Variants in TENM3 observed in about 807,000 individuals in gnomAD.
TENM3 encodes the protein teneurin transmembrane protein 3.
Under a neutral mutation model 255.1 loss-of-function variants are expected in TENM3, and 63 were observed. That is an observed-to-expected ratio of 0.25 (90% CI 0.20 to 0.30). The LOEUF (loss-of-function observed/expected upper bound fraction) is 0.30. Among genes scored for constraint, TENM3 ranks in the 10% least tolerant of loss-of-function variants. The probability of loss-of-function intolerance (pLI) is 1.00; values close to 1 mark genes in which losing one functional copy is unlikely to be tolerated. For missense variants in TENM3, 2,929 were observed against 3,461.1 expected, an observed-to-expected ratio of 0.85 and a Z score of 3.86; for synonymous variants, 1,306 against 1,322.3, an observed-to-expected ratio of 0.99 and a Z score of 0.27.
the TENM3 span, among the ~76,000 whole-genome samples, chr4:181,889,703 G>C: frequency 6.6e-6 from 1 of 152,132 alleles, no homozygotes; most frequent in African/African-American, 2.4e-5. Flanking sequence ...TATAATCCTT[G>C]GAACTGTGCC....
intron 3 of TENM3, among the ~76,000 whole-genome samples, chr4:182,507,152 A>AG (rs1309200314): frequency 6.6e-6 from 1 of 151,990 alleles, no homozygotes; most frequent in African/African-American, 2.4e-5. Flanking sequence ...ACTAAGGAAA[A>AG]AAAAAGCACA....
the TENM3 span, among the ~76,000 whole-genome samples, chr4:181,874,787 G>A: frequency 4.6e-5 from 7 of 152,104 alleles, no homozygotes; most frequent in Middle Eastern, 3.2e-3. Flanking sequence ...GCTGATCTCC[G>A]CCTCCTCTGT....
At chr4:181,706,866 T>C in the TENM3 span, among the ~76,000 whole-genome samples, 2 of 152,352 alleles carry the variant, frequency 1.3e-5, no homozygotes, top group Non-Finnish European at 2.9e-5. Flanking sequence ...ATTTGTTAGC[T>C]CATTTCTTCA....
chr4:181,570,644 G>GAGAA, the TENM3 span, among the ~76,000 whole-genome samples: 4 of 141,182 alleles, frequency 2.8e-5, no homozygotes, highest in Non-Finnish European at 6.1e-5. Context: ...AAGAGAGAGA[G>GAGAA]AGAAAGAAGG....
At chr4:181,588,072 A>G in the TENM3 span, among the ~76,000 whole-genome samples, 1 of 152,152 alleles carries the variant, frequency 6.6e-6, no homozygotes, top group Non-Finnish European at 1.5e-5. Context: ...GCATCCACTC[A>G]GGCAGGGGCA....
intron 6 of TENM3, among the ~76,000 whole-genome samples, chr4:182,660,336 A>G (rs1754124401): frequency 6.6e-6 from 1 of 152,216 alleles, no homozygotes; most frequent in African/African-American, 2.4e-5. Context: ...CATCAAGTAT[A>G]TGCAAAGTAC....
intron 3 of TENM3, among the ~76,000 whole-genome samples, chr4:182,364,366 T>C (rs1295655416): frequency 6.6e-6 from 1 of 152,212 alleles, no homozygotes; most frequent in Non-Finnish European, 1.5e-5. Flanking sequence ...TGTGTGTGTA[T>C]ATTTTTAAAA....
chr4:181,812,790 C>A, the TENM3 span, among the ~76,000 whole-genome samples: 2 of 152,132 alleles, frequency 1.3e-5, no homozygotes, highest in Non-Finnish European at 2.9e-5. Flanking sequence ...TTGGTTCACC[C>A]ATGATCAGAG....
At chr4:182,215,123 A>AAT (rs1241395519) in intron 1 of TENM3, among the ~76,000 whole-genome samples, 2 of 152,172 alleles carry the variant, frequency 1.3e-5, no homozygotes, top group Non-Finnish European at 2.9e-5. Context: ...AGTGCAAATG[A>AAT]AGTGCTGAGA....
chr4:181,663,162 A>C, the TENM3 span, among the ~76,000 whole-genome samples: 1 of 152,180 alleles, frequency 6.6e-6, no homozygotes, highest in Non-Finnish European at 1.5e-5. Flanking sequence ...ACCTAGTTCA[A>C]CAAGGGGTCT....
chr4:182,031,844 C>A, the TENM3 span, among the ~76,000 whole-genome samples: 9 of 152,228 alleles, frequency 5.9e-5, no homozygotes, highest in African/African-American at 2.2e-4. Flanking sequence ...TATGATTTGG[C>A]TCTGTACTTG....
At chr4:181,962,169 T>G in the TENM3 span, among the ~76,000 whole-genome samples, 1 of 152,374 alleles carries the variant, frequency 6.6e-6, no homozygotes, top group African/African-American at 2.4e-5. Context: ...GCAAGTCACC[T>G]AAAATTAAAT....
At chr4:182,329,423 G>T (rs566870104) in intron 2 of TENM3, among the ~76,000 whole-genome samples, 2 of 152,302 alleles carry the variant, frequency 1.3e-5, no homozygotes, top group African/African-American at 4.8e-5. Context: ...TTCTCCCTCT[G>T]ATAGGGTGAG....
At chr4:181,900,873 G>A in the TENM3 span, among the ~76,000 whole-genome samples, 5 of 152,138 alleles carry the variant, frequency 3.3e-5, no homozygotes, top group Admixed American at 2.0e-4. Flanking sequence ...CTCTCAAGTG[G>A]CAAATCAGTT....
At chr4:181,907,730 T>A in the TENM3 span, among the ~76,000 whole-genome samples, 1 of 152,152 alleles carries the variant, frequency 6.6e-6, no homozygotes, top group Non-Finnish European at 1.5e-5. Flanking sequence ...ATTACTCCCA[T>A]CTGGGGCAGC....
At chr4:181,772,830 A>G in the TENM3 span, among the ~76,000 whole-genome samples, 4 of 152,288 alleles carry the variant, frequency 2.6e-5, no homozygotes, top group South Asian at 4.1e-4. Flanking sequence ...TCACCTTATT[A>G]TATAGGTAAT....
At chr4:181,818,936 T>G in the TENM3 span, among the ~76,000 whole-genome samples, 2 of 152,164 alleles carry the variant, frequency 1.3e-5, no homozygotes, top group Admixed American at 1.3e-4. Context: ...CCTACTGGCT[T>G]GTTTCTCTGG....
chr4:182,261,281 G>T (rs1245576949), intron 1 of TENM3, among the ~76,000 whole-genome samples: 1 of 152,214 alleles, frequency 6.6e-6, no homozygotes, highest in African/African-American at 2.4e-5. Flanking sequence ...AAGCTTGTGA[G>T]TTGTAATTCT....
chr4:182,383,775 C>A (rs1767725288), intron 3 of TENM3, among the ~76,000 whole-genome samples: 1 of 152,094 alleles, frequency 6.6e-6, no homozygotes, highest in Non-Finnish European at 1.5e-5. Context: ...CTACAGTAAC[C>A]AAAGCAGCAT....
Sources: gnomAD v4.1 joint callset for allele counts (sites outside exome capture counted in the v4.1 genomes callset) on GRCh38, gnomAD v4.1.1 for gene constraint, MANE v1.5 for transcripts, NCBI Gene and HGNC (gene_info 2026-07-23, HGNC 2026-07-21) for gene names.